Variants in MSLN observed in about 807,000 individuals in gnomAD.
The protein encoded by MSLN is mesothelin.
In MSLN, 82 loss-of-function variants were observed where a neutral mutation model predicts 72.6. The ratio of observed to expected loss-of-function variants is 1.13; its 90% CI spans 0.94 to 1.36. The LOEUF is 1.36. Ranked by LOEUF, MSLN falls within the 40% of genes most tolerant of loss-of-function variation. MSLN has a pLI of 0.00. For missense variants in MSLN, 1,005 were observed against 847.9 expected (o/e 1.19, Z -2.30); for synonymous variants, 456 against 387.3 (o/e 1.18, Z -2.08).
At chr16:761,675 C>T (rs1292540326) in intron 2 of MSLN, among the ~76,000 whole-genome samples, 2 of 152,200 alleles carry the variant, frequency 1.3e-5, no homozygotes, top group African/African-American at 4.8e-5. Flanking sequence ...TTCAGAGCCT[C>T]AGGGGCCTCC....
intron 2 of MSLN, among the ~76,000 whole-genome samples, chr16:761,847 A>G (rs1348565748): frequency 6.6e-6 from 1 of 152,204 alleles, no homozygotes; most frequent in African/African-American, 2.4e-5. Flanking sequence ...GGGTGGACCC[A>G]CCGGGCCTGG....
At chr16:768,309 A>AGCCT (rs2041667905) in intron 16 of MSLN, 70 bp from the exon 17 acceptor site, 2 of 1,441,818 alleles carry the variant, frequency 1.4e-6, no homozygotes, top group Non-Finnish European at 1.8e-6. Context: ...GACACAGGAG[A>AGCCT]GCCTGGCAGC....
At chr16:763,110 C>G (rs2041556826) in intron 3 of MSLN, 123 bp from the exon 4 acceptor site, 1 of 662,812 alleles carries the variant, frequency 1.5e-6, no homozygotes, top group South Asian at 1.9e-5. Flanking sequence ...CCACTGGCTT[C>G]TCTTTGGGGT....
chr16:762,069 C>T (rs777556637), intron 2 of MSLN, among the ~76,000 whole-genome samples: 1 of 152,354 alleles, frequency 6.6e-6, no homozygotes. Context: ...CCAGGCTGCT[C>T]ACTGGCCCAG....
In MSLN at chr16:764,128, G is replaced by A; in HGVS notation, c.285G>A (p.Lys95=). ...TGGCCTTGGCACAGAAGAATGTCAA[G>A]CTCTCAACAGAGCAGGTCAGTCTCA... The part of the protein sequence containing the change: ...LAVALAQKNV[K]LSTEQLRCLA... The change falls in exon 6 of 18, where the codon AAG becomes AAA. Residue 95 remains lysine (K), a synonymous_variant. Coordinates refer to ENST00000545450, the MANE Select transcript of MSLN (RefSeq NM_005823.6). 6.2e-7 allele frequency: 1 copy of A among 1,604,926 alleles called. No individual in the cohort carries two copies. The highest frequency in any genetic ancestry group is 8.5e-7 in the Non-Finnish European group (1 of 1,179,730).
chr16:762,099 C>T (rs1291955303), intron 2 of MSLN, among the ~76,000 whole-genome samples: 1 of 152,174 alleles, frequency 6.6e-6, no homozygotes, highest in African/African-American at 2.4e-5. Context: ...ACCTGGACTG[C>T]ACCTGAAAAT....
In MSLN at chr16:768,418, C is replaced by T. The variant is rs1282757937; in HGVS notation, c.1636C>T (p.His546Tyr). Residue 546 changes from histidine (H) to tyrosine (Y), a missense_variant, in exon 17 of 18, where the codon CAC (histidine) becomes TAC (tyrosine). Coordinates refer to ENST00000545450, the MANE Select transcript of MSLN (RefSeq NM_005823.6). ...VAEVQKLLGP[H>Y]VEGLKAEERH... ...TGAGGTGCAGAAACTTCTGGGACCC[C>T]ACGTGGAGGGCCTGAAGGCGGAGGA... 7.9e-6 allele frequency: 12 copies of T among 1,515,694 alleles called. No homozygotes were observed. The highest frequency in any genetic ancestry group is 2.3e-5 in the East Asian group (1 of 43,850). 93.9% of individuals were successfully genotyped at this position (1,515,694 alleles called of 1,614,324 possible). A position where few individuals can be genotyped will look rare whatever the true frequency, so the allele number is the denominator to read the frequency against.
At chr16:768,607 G>A (rs2151619688) in intron 17 of MSLN, 41 bp from the exon 18 acceptor site, 3 of 1,611,008 alleles carry the variant, frequency 1.9e-6, no homozygotes, top group Non-Finnish European at 2.5e-6. Flanking sequence ...CAGAGCTGGG[G>A]GCGTGGAGGT....
rs1355481184 is a variant in MSLN at position 764,940 on chromosome 16, C to A, written c.414C>A (p.Thr138=). The change falls in exon 8 of 18, where the codon ACC becomes ACA. Residue 138 remains threonine, a synonymous_variant. Coordinates refer to ENST00000545450, the MANE Select transcript of MSLN (RefSeq NM_005823.6). ...PDAFSGPQAC[T]RFFSRITKAN... ...CGTTCTCGGGGCCCCAGGCCTGCACCCGTTTCTTCTCCCGCATCACGAAGG... is the reference window on the plus strand; with the variant it reads ...CGTTCTCGGGGCCCCAGGCCTGCACACGTTTCTTCTCCCGCATCACGAAGG... The A allele has an allele frequency of 2.1e-5, 34 of 1,612,346 alleles. No homozygotes were observed. The highest frequency in any genetic ancestry group is 2.8e-5 in the Non-Finnish European group (33 of 1,179,744).
rs566077254 is a variant in MSLN at position 762,168 on chromosome 16, C to G, written c.-9-504C>G. On this transcript the variant is annotated intron_variant, in intron 2 of 17. Coordinates refer to ENST00000545450, the MANE Select transcript of MSLN (RefSeq NM_005823.6). The stretch of plus-strand genomic sequence containing the variant: ...CTGCTGGGTGGGAAGGGGCGGTGGC[C>G]TCTGTGCCCGCAGTGCCCCTCCTGC... Among the ~76,000 whole-genome samples the G allele has an allele frequency of 8.4e-4, 128 of 152,334 alleles. 1 individual carries two copies. The highest frequency in any genetic ancestry group is 3.4e-3 in the Middle Eastern group (1 of 294).
rs561814363 is a variant in MSLN at position 766,546 on chromosome 16, G to A, written c.1230+56G>A. ...TGAGATTGGGAAGGGCTGAGGGGCA[G>A]AGTGGGGGACAAAGCCTGAGGTTGG... is the stretch of plus-strand genomic sequence containing the variant. On this transcript the variant is annotated intron_variant, in intron 13 of 17. Transcript: ENST00000545450. 3.1e-6 allele frequency: 5 copies of A among 1,610,378 alleles called. No individual in the cohort carries two copies. In the African/African-American group the frequency reaches 6.7e-5, roughly 21 times the overall value.
chr16:764,150 C>G lies in MSLN; in HGVS notation c.300+7C>G, dbSNP rs992227865. 2.5e-6 allele frequency: 4 copies of G among 1,600,286 alleles called. No individual in the cohort carries two copies. Among genetic ancestry groups the G allele is most frequent in the Non-Finnish European group, 3.4e-6 (4 of 1,178,016 alleles). On this transcript the variant is annotated splice_region_variant and intron_variant, in intron 6 of 17. Coordinates refer to ENST00000545450, the MANE Select transcript of MSLN (RefSeq NM_005823.6). ...CAAGCTCTCAACAGAGCAGGTCAGT[C>G]TCAGTTGGGCTGAGGCAGGTGGGCA...
chr16:761,214 A>T (rs1596687485), intron 2 of MSLN, 40 bp downstream of exon 2: 1 of 152,250 alleles, frequency 6.6e-6, no homozygotes, highest in African/African-American at 2.4e-5. Context: ...TGTGGTGTGG[A>T]TGGAATCTGC....
chr16:764,809 C>G (rs954226772), intron 7 of MSLN, 83 bp downstream of exon 7: 2 of 1,582,460 alleles, frequency 1.3e-6, no homozygotes, highest in African/African-American at 2.7e-5. Flanking sequence ...GCCTCGGATC[C>G]CAGGCCACAG....
rs568680131 is a variant in MSLN at position 765,751 on chromosome 16, C to T, written c.856C>T (p.Arg286Trp). 3.2e-5 allele frequency: 51 copies of T among 1,600,608 alleles called. No individual in the cohort carries two copies. The highest frequency in any genetic ancestry group is 1.5e-4 in the Admixed American group (9 of 60,002). The change falls in exon 11 of 18, where the codon CGG becomes TGG. Residue 286 changes from arginine (R) to tryptophan (W), a missense_variant. Arg to Trp is a moderately radical substitution (Grantham distance 101). Coordinates refer to ENST00000545450, the MANE Select transcript of MSLN (RefSeq NM_005823.6). Reference protein sequence around the residue: ...SRDPSWRQPERTILRPRFRRE... With the variant: ...SRDPSWRQPEWTILRPRFRRE... ...GGACCCATCCTGGCGGCAGCCTGAA[C>T]GGACCATCCTCCGGCCGCGGTTCCG... is the stretch of plus-strand genomic sequence containing the variant.
At chr16:764,552 G>C in intron 6 of MSLN, 95 bp from the exon 7 acceptor site, 1 of 1,019,246 alleles carries the variant, frequency 9.8e-7, no homozygotes, top group Non-Finnish European at 1.6e-6. Flanking sequence ...GCCAGGGCAG[G>C]GGTGTGTTGT....
chr16:765,058 G>A (rs955364993), intron 8 of MSLN, 22 bp downstream of exon 8: 14 of 1,609,334 alleles, frequency 8.7e-6, no homozygotes, highest in Non-Finnish European at 1.0e-5. Context: ...GGCCAGCGCG[G>A]GGCGGAGAGG....
At position 762,735 on chromosome 16, in the gene MSLN, G is replaced by A. The variant is rs754893197; in HGVS notation, c.55G>A (p.Gly19Ser). 1.8e-5 allele frequency: 29 copies of A among 1,602,134 alleles called. No homozygotes were observed. Among genetic ancestry groups the A allele is most frequent in the African/African-American group, 8.1e-5 (6 of 74,432 alleles). ...LLGSCGTPAL[G>S]SLLFLLFSLG... ...GGGGTCCTGTGGGACCCCCGCCCTC[G>A]GCAGCCTCCTGTTCCTGCTCTTCAG... The change falls in exon 3 of 18, where the codon GGC becomes AGC. Residue 19 changes from glycine (G) to serine (S), a missense_variant. Gly to Ser is a moderately conservative substitution (Grantham distance 56). Coordinates refer to ENST00000545450, the MANE Select transcript of MSLN (RefSeq NM_005823.6).
At position 768,535 on chromosome 16, in the gene MSLN, G is replaced by A. The variant is rs376120426; in HGVS notation, c.1753G>A (p.Gly585Ser). 170 of 1,602,544 alleles carry A rather than the reference G, an allele frequency of 1.1e-4. No homozygotes were observed. The highest frequency in any genetic ancestry group is 1.5e-4 in the Admixed American group (9 of 59,098). The change falls in exon 17 of 18, where the codon GGC becomes AGC. Residue 585 changes from glycine to serine, a missense_variant. By Grantham distance (56) the Gly-to-Ser change is moderately conservative. Transcript: ENST00000545450. Reference sequence around the variant, plus strand: ...GGGGCTACAGGGCGGCATCCCCAACGGCTACCTGGTCCTAGACCTCAGCAT... The same window carrying A: ...GGGGCTACAGGGCGGCATCCCCAACAGCTACCTGGTCCTAGACCTCAGCAT... ...GLGLQGGIPN[G>S]YLVLDLSMQE...
Sources: gnomAD v4.1 joint callset for allele counts (sites outside exome capture counted in the v4.1 genomes callset) on GRCh38, gnomAD v4.1.1 for gene constraint, MANE v1.5 for transcripts, NCBI Gene and HGNC (gene_info 2026-07-23, HGNC 2026-07-21) for gene names.